The following DHX29 variants were observed in gnomAD, a reference collection of about 807,000 sequenced individuals.
DHX29 encodes the protein ATP-dependent RNA helicase DHX29.
Under a neutral mutation model 167.9 loss-of-function variants are expected in DHX29, and 79 were observed. The observed-to-expected ratio is 0.47, with a 90% CI of 0.39 to 0.57. The LOEUF is 0.57. Among genes scored for constraint, DHX29 ranks in the 20% least tolerant of loss-of-function variants. The pLI is 0.00. For missense variants in DHX29, 1,347 were observed against 1,593.4 expected, an observed-to-expected ratio of 0.85 and a Z score of 2.63; for synonymous variants, 530 against 546.0, an observed-to-expected ratio of 0.97 and a Z score of 0.41.
intron 8 of DHX29, 151 bp from the exon 9 acceptor site, chr5:55,286,012 T>C: frequency 1.9e-6 from 1 of 518,144 alleles, no homozygotes. Context: ...CCCAGCACTT[T>C]GGGAGGCCGA....
chr5:55,284,261 T>A (rs1747600839), intron 10 of DHX29, among the ~76,000 whole-genome samples: 1 of 152,252 alleles, frequency 6.6e-6, no homozygotes, highest in Non-Finnish European at 1.5e-5. Flanking sequence ...TGTCTATTAC[T>A]TATTCCTGCA....
In DHX29 at chr5:55,292,049, T is replaced by C. The variant is rs576467992; in HGVS notation, c.781-1705A>G. 2.0e-5 allele frequency among the ~76,000 whole-genome samples: 3 copies of C among 152,312 alleles called. 1 individual carries two copies. The highest frequency in any genetic ancestry group is 7.2e-5 in the African/African-American group (3 of 41,568). ...TTTGAGTATATACCCAGAAATGGAATTACTGGATCATATGGTAATTCAATT... is the reference window on the plus strand; with the variant it reads ...TTTGAGTATATACCCAGAAATGGAACTACTGGATCATATGGTAATTCAATT... On this transcript the variant is annotated intron_variant, in intron 6 of 26. Coordinates refer to ENST00000251636, the MANE Select transcript of DHX29 (RefSeq NM_019030.4).
chr5:55,256,605 A>G, intron 26 of DHX29, 65 bp from the exon 27 acceptor site: 1 of 1,485,114 alleles, frequency 6.7e-7, no homozygotes, highest in Non-Finnish European at 9.1e-7. Flanking sequence ...CAAGGTATGC[A>G]CATGTAAATA....
chr5:55,304,712 A>T (rs1041336847), intron 1 of DHX29, among the ~76,000 whole-genome samples: 13 of 148,666 alleles, frequency 8.7e-5, no homozygotes, highest in Non-Finnish European at 1.6e-4. Flanking sequence ...AAATGAAATT[A>T]AAAAAAAAAC....
At chr5:55,256,588 A>T (rs76296338) in intron 26 of DHX29, 48 bp from the exon 27 acceptor site, 1 of 1,556,012 alleles carries the variant, frequency 6.4e-7, no homozygotes, top group Non-Finnish European at 8.6e-7. Context: ...AACATTGTCT[A>T]ATTTTCCAAG....
Position 55,273,238 on chromosome 5 carries a change from C to T in DHX29, c.2775+55G>A. 5 of 1,490,742 alleles carry T rather than the reference C, an allele frequency of 3.4e-6. No individual in the cohort carries two copies. In the South Asian group the frequency reaches 7.1e-5, roughly 21 times the overall value. 92.3% of individuals were successfully genotyped at this position (1,490,742 alleles called of 1,614,324 possible). ...CTTTGATGATAAAAAGTTATACGGC[C>T]ATCATAAAATACTCTCAGGTGGATC... is the stretch of plus-strand genomic sequence containing the variant. On this transcript the variant is annotated intron_variant, in intron 17 of 26. Transcript: ENST00000251636.
At chr5:55,306,839 C>G (rs1247279418) in intron 1 of DHX29, among the ~76,000 whole-genome samples, 1 of 152,128 alleles carries the variant, frequency 6.6e-6, no homozygotes, top group African/African-American at 2.4e-5. Context: ...GTACAGTAAG[C>G]AAAACTGCAT....
At chr5:55,261,532 A>T in intron 24 of DHX29, 33 bp from the exon 25 acceptor site, 1 of 1,370,126 alleles carries the variant, frequency 7.3e-7, no homozygotes, top group Non-Finnish European at 1.0e-6. Context: ...AATAACTTCA[A>T]AATATAAAAA....
chr5:55,271,412 C>A (rs1428203311), intron 18 of DHX29, among the ~76,000 whole-genome samples: 1 of 152,168 alleles, frequency 6.6e-6, no homozygotes, highest in Admixed American at 6.5e-5. Flanking sequence ...AGGCAGATTG[C>A]CTGAGGTCAG....
chr5:55,275,934 G>C (rs994152423), intron 14 of DHX29, among the ~76,000 whole-genome samples: 1 of 152,006 alleles, frequency 6.6e-6, no homozygotes, highest in Non-Finnish European at 1.5e-5. Flanking sequence ...GAGAGAAGTA[G>C]AGAAAAATCA....
At chr5:55,267,494 ATATTAT>A (rs1000772522) in intron 22 of DHX29, among the ~76,000 whole-genome samples, 186 bp downstream of exon 22, 1 of 152,176 alleles carries the variant, frequency 6.6e-6, no homozygotes, top group Non-Finnish European at 1.5e-5. Context: ...AATACCAAAT[ATATTAT>A]TATTAAGTTT....
Position 55,267,168 on chromosome 5 carries a change from A to G in DHX29, c.3495T>C (p.Phe1165=). Residue 1165 remains phenylalanine, a synonymous_variant, in exon 23 of 27, where the codon TTT becomes TTC. Transcript: ENST00000251636. ...RSEITYCRRN[F]LNRTSLLTLE... ...GGGTTAACAGTGATGTTCTATTAAG[A>G]AAGTTCCTCCGGCAGTATGTGATTT... 6.2e-7 allele frequency: 1 copy of G among 1,613,010 alleles called. No individual in the cohort carries two copies. The highest frequency in any genetic ancestry group is 8.5e-7 in the Non-Finnish European group (1 of 1,179,334).
chr5:55,289,397 A>C lies in DHX29; in HGVS notation c.939T>G (p.Phe313Leu). The stretch of plus-strand genomic sequence containing the variant: ...GATGTGAAATCTTCATGGCTGGGTT[A>C]AATACTGGATGGTCTTCTAAAGTTT... ...EMETLEDHPVFNPAMKISHQQ... is the reference protein window; with the variant it reads ...EMETLEDHPVLNPAMKISHQQ... The change falls in exon 8 of 27, where the codon TTT becomes TTG. Residue 313 changes from phenylalanine (F) to leucine (L), a missense_variant. This residue lies in a region of DHX29 where 405 missense variants were observed against 416.8 expected (regional missense o/e 0.97). Transcript: ENST00000251636. 6.3e-7 allele frequency: 1 copy of C among 1,589,178 alleles called. No individual in the cohort carries two copies. Among genetic ancestry groups the C allele is most frequent in the Non-Finnish European group, 8.5e-7 (1 of 1,172,824 alleles).
chr5:55,290,382 A>G (rs905094259), intron 6 of DHX29, 38 bp from the exon 7 acceptor site: 3 of 1,555,392 alleles, frequency 1.9e-6, no homozygotes, highest in African/African-American at 1.4e-5. Flanking sequence ...GGAAAAAAAA[A>G]GAAGAGCAAG....
At chr5:55,300,031 G>A (rs73120278) in intron 1 of DHX29, among the ~76,000 whole-genome samples, 1,601 of 152,256 alleles carry the variant, frequency 0.011, 19 homozygotes, top group African/African-American at 0.037. Flanking sequence ...TTGATACTTA[G>A]TATATTATAA....
intron 1 of DHX29, among the ~76,000 whole-genome samples, chr5:55,304,825 G>A (rs1041183228): frequency 3.3e-5 from 5 of 152,144 alleles, no homozygotes; most frequent in Non-Finnish European, 7.4e-5. Flanking sequence ...AGATAAGGAG[G>A]GACGGAAGTA....
At chr5:55,277,406 T>C in intron 12 of DHX29, 124 bp from the exon 13 acceptor site, 2 of 558,596 alleles carry the variant, frequency 3.6e-6, no homozygotes, top group South Asian at 3.0e-5. Flanking sequence ...TCAGTACATG[T>C]GCGGGGAGGG....
chr5:55,271,467 C>T (rs1469970684), intron 18 of DHX29, among the ~76,000 whole-genome samples: 1 of 152,116 alleles, frequency 6.6e-6, no homozygotes, highest in Non-Finnish European at 1.5e-5. Flanking sequence ...CCTGTCTCTA[C>T]TAAAAATACA....
chr5:55,286,196 G>A (rs1331930657), intron 8 of DHX29, among the ~76,000 whole-genome samples: 3 of 151,572 alleles, frequency 2.0e-5, no homozygotes, highest in Non-Finnish European at 2.9e-5. Context: ...AGAGCTTGCA[G>A]TGAGCCAAGA....
Sources: allele counts gnomAD v4.1 joint callset (sites outside exome capture counted in the v4.1 genomes callset), GRCh38; gene constraint gnomAD v4.1.1; regional missense constraint gnomAD v4.1.1; transcripts MANE v1.5; gene names NCBI Gene and HGNC (gene_info 2026-07-23, HGNC 2026-07-21).